Variants in DEPTOR observed in about 807,000 individuals in gnomAD.
The protein encoded by DEPTOR is DEP domain containing MTOR interacting protein.
DEPTOR carries 41 observed loss-of-function variants against 41.6 expected under a neutral mutation model. The ratio of observed to expected loss-of-function variants is 0.98; its 90% CI spans 0.77 to 1.28. The LOEUF is 1.28. Among genes scored for constraint, DEPTOR ranks in the 50% most tolerant of loss-of-function variants. DEPTOR has a pLI of 0.00. For missense variants in DEPTOR, 514 were observed against 527.9 expected, an observed-to-expected ratio of 0.97 and a Z score of 0.26; for synonymous variants, 195 against 192.3, an observed-to-expected ratio of 1.01 and a Z score of -0.12.
intron 8 of DEPTOR, among the ~76,000 whole-genome samples, chr8:120,033,435 CTTG>C (rs1586667275): frequency 6.6e-6 from 1 of 152,144 alleles, no homozygotes; most frequent in Admixed American, 6.5e-5. Flanking sequence ...GTCACAGCCT[CTTG>C]TTGTGTAACT....
At chr8:119,962,895 G>T (rs560711387) in intron 3 of DEPTOR, among the ~76,000 whole-genome samples, 2 of 152,282 alleles carry the variant, frequency 1.3e-5, no homozygotes, top group African/African-American at 2.4e-5. Flanking sequence ...TGGGCAGGGG[G>T]TGAGGAAGAG....
chr8:119,882,371 C>T (rs115954963), intron 1 of DEPTOR, among the ~76,000 whole-genome samples: 2,830 of 151,842 alleles, frequency 0.019, 88 homozygotes, highest in African/African-American at 0.064. Flanking sequence ...GAAAAAAATA[C>T]ATTGTTTTAT....
chr8:119,976,233 TGGA>T (rs1267251163), intron 4 of DEPTOR, among the ~76,000 whole-genome samples: 1 of 152,052 alleles, frequency 6.6e-6, no homozygotes, highest in Admixed American at 6.6e-5. Context: ...GAAGAAGAAA[TGGA>T]GGAGACTTCT....
chr8:119,932,523 A>G (rs1235080214), intron 3 of DEPTOR, among the ~76,000 whole-genome samples: 2 of 152,200 alleles, frequency 1.3e-5, no homozygotes, highest in Non-Finnish European at 2.9e-5. Flanking sequence ...AGCACTGTGT[A>G]TCTCTGAGCA....
chr8:119,961,590 T>C (rs1223089932), intron 3 of DEPTOR, among the ~76,000 whole-genome samples: 1 of 152,126 alleles, frequency 6.6e-6, no homozygotes, highest in Non-Finnish European at 1.5e-5. Context: ...CAGGGCTTAA[T>C]TACCTCCAAA....
chr8:119,955,186 G>A (rs1219019288), intron 3 of DEPTOR, among the ~76,000 whole-genome samples: 1 of 151,876 alleles, frequency 6.6e-6, no homozygotes, highest in Non-Finnish European at 1.5e-5. Flanking sequence ...GAGTTATTAT[G>A]TTCTGGATGC....
At chr8:119,911,277 A>G (rs1166366701) in intron 1 of DEPTOR, among the ~76,000 whole-genome samples, 2 of 149,860 alleles carry the variant, frequency 1.3e-5, no homozygotes, top group African/African-American at 4.9e-5. Context: ...ACAGAGCTTC[A>G]GCCACAGCCA....
intron 8 of DEPTOR, among the ~76,000 whole-genome samples, chr8:120,017,292 C>A (rs1025782062): frequency 1.3e-5 from 2 of 152,224 alleles, no homozygotes; most frequent in Admixed American, 6.5e-5. Context: ...CGAGACCCAG[C>A]TTATCCATTT....
intron 1 of DEPTOR, among the ~76,000 whole-genome samples, chr8:119,888,474 T>C (rs1827402709): frequency 6.6e-6 from 1 of 152,230 alleles, no homozygotes; most frequent in Non-Finnish European, 1.5e-5. Context: ...TCTGTCTTCC[T>C]GTTGAATTCT....
At chr8:119,971,659 G>A (rs1828635445) in intron 4 of DEPTOR, among the ~76,000 whole-genome samples, 1 of 152,178 alleles carries the variant, frequency 6.6e-6, no homozygotes, top group Non-Finnish European at 1.5e-5. Context: ...TTTATCCAGT[G>A]CTTTGGGGGA....
At chr8:120,001,176 G>C (rs1812343977) in intron 4 of DEPTOR, among the ~76,000 whole-genome samples, 1 of 152,104 alleles carries the variant, frequency 6.6e-6, no homozygotes, top group South Asian at 2.1e-4. Context: ...GCCCCAACAA[G>C]CTTAGAGTTT....
intron 1 of DEPTOR, chr8:119,874,303 C>A (rs561318253): frequency 6.2e-5 from 22 of 353,900 alleles, no homozygotes; most frequent in Non-Finnish European, 1.1e-4. Context: ...GCCGCCAGGC[C>A]TCCCGGCTGA....
At chr8:120,019,478 C>T (rs563314109) in intron 8 of DEPTOR, among the ~76,000 whole-genome samples, 2 of 152,290 alleles carry the variant, frequency 1.3e-5, no homozygotes, top group Non-Finnish European at 2.9e-5. Context: ...CAACCACTGA[C>T]GCGATCCTGT....
Position 119,938,980 on chromosome 8 carries a change from T to C in DEPTOR, c.425+9042T>C, listed in dbSNP as rs537186856. 3.9e-5 allele frequency among the ~76,000 whole-genome samples: 6 copies of C among 152,024 alleles called. No homozygotes were observed. The East Asian group carries it at 1.2e-3, about 29-fold the overall frequency. On this transcript the variant is annotated intron_variant, in intron 3 of 8. Coordinates refer to ENST00000286234, the MANE Select transcript of DEPTOR (RefSeq NM_022783.4). ...CTCTCTCTCTCTCTCTCTCTGTGTT[T>C]CTCTAATTTCTTTATAGGAAGCCAT...
At chr8:119,929,720 T>C in intron 2 of DEPTOR, 95 bp from the exon 3 acceptor site, 1 of 1,481,548 alleles carries the variant, frequency 6.7e-7, no homozygotes, top group Non-Finnish European at 9.1e-7. Context: ...AATGTGATAG[T>C]GAAATAATTC....
At chr8:120,039,153 A>G (rs1262038230) in intron 8 of DEPTOR, among the ~76,000 whole-genome samples, 1 of 152,178 alleles carries the variant, frequency 6.6e-6, no homozygotes, top group Non-Finnish European at 1.5e-5. Flanking sequence ...GAATGGGATT[A>G]GTGCCCTTAT....
intron 3 of DEPTOR, among the ~76,000 whole-genome samples, chr8:119,945,935 G>A (rs1000650779): frequency 6.6e-6 from 1 of 152,178 alleles, no homozygotes; most frequent in Non-Finnish European, 1.5e-5. Context: ...ACCAGTGGAA[G>A]GCATGGCTGG....
Position 119,960,812 on chromosome 8 carries a change from C to T in DEPTOR, c.426-4420C>T, listed in dbSNP as rs113009000. Reference sequence around the variant, plus strand: ...CAGCCTGGCCAACATGATGAAACCCCGTCTCTACTAAAAATACAAAAATTA... The same window carrying T: ...CAGCCTGGCCAACATGATGAAACCCTGTCTCTACTAAAAATACAAAAATTA... On this transcript the variant is annotated intron_variant, in intron 3 of 8. Coordinates refer to ENST00000286234, the MANE Select transcript of DEPTOR (RefSeq NM_022783.4). Among the ~76,000 whole-genome samples the T allele has an allele frequency of 3.4e-3, 514 of 152,094 alleles. 3 individuals carry two copies. The highest frequency in any genetic ancestry group is 0.012 in the African/African-American group (494 of 41,494).
chr8:120,018,081 T>A (rs1350355888), intron 8 of DEPTOR, among the ~76,000 whole-genome samples: 1 of 152,182 alleles, frequency 6.6e-6, no homozygotes, highest in Non-Finnish European at 1.5e-5. Flanking sequence ...TGCTTTTTGG[T>A]CTTTCCCTCT....
Sources: allele counts gnomAD v4.1 joint callset (sites outside exome capture counted in the v4.1 genomes callset), GRCh38; gene constraint gnomAD v4.1.1; transcripts MANE v1.5; gene names NCBI Gene and HGNC (gene_info 2026-07-23, HGNC 2026-07-21).